Variants in PRKCE observed in about 807,000 individuals in gnomAD.
PRKCE encodes the protein protein kinase C epsilon, also known as protein kinase C epsilon type.
A neutral mutation model predicts 85.4 loss-of-function variants in PRKCE; 16 were observed. The observed-to-expected ratio is 0.19, with a 90% confidence interval of 0.13 to 0.28. PRKCE has a LOEUF of 0.28. Among genes scored for constraint, PRKCE ranks in the 10% least tolerant of loss-of-function variants. The probability of loss-of-function intolerance (pLI) is 1.00; values close to 1 mark genes in which losing one functional copy is unlikely to be tolerated. For synonymous variants in PRKCE, 388 were observed against 371.5 expected, an observed-to-expected ratio of 1.04 and a Z score of -0.51; for missense variants, 573 against 975.2, an observed-to-expected ratio of 0.59 and a Z score of 5.49.
chr2:45,864,909 G>C (rs1457205395), intron 2 of PRKCE, among the ~76,000 whole-genome samples: 1 of 152,220 alleles, frequency 6.6e-6, no homozygotes, highest in Non-Finnish European at 1.5e-5. Context: ...TGCAGGGCCA[G>C]TTACAGCTTG....
intron 2 of PRKCE, among the ~76,000 whole-genome samples, chr2:45,943,800 G>A (rs1435728568): frequency 2.6e-5 from 4 of 152,248 alleles, no homozygotes; most frequent in Non-Finnish European, 5.9e-5. Flanking sequence ...GAATGCACCA[G>A]ACAGCAGCAG....
chr2:45,927,362 A>C (rs1318303157), intron 2 of PRKCE, among the ~76,000 whole-genome samples: 1 of 152,212 alleles, frequency 6.6e-6, no homozygotes. Context: ...TGTGCTAAGC[A>C]CTTTTATGTA....
chr2:46,153,337 T>C (rs1337838251), intron 13 of PRKCE, among the ~76,000 whole-genome samples: 2 of 152,212 alleles, frequency 1.3e-5, no homozygotes, highest in Non-Finnish European at 2.9e-5. Context: ...TCTATAAATA[T>C]TTATTGGCAG....
chr2:45,720,927 T>C (rs372839705), intron 1 of PRKCE, among the ~76,000 whole-genome samples: 48 of 152,074 alleles, frequency 3.2e-4, no homozygotes, highest in African/African-American at 1.1e-3. Flanking sequence ...GCCAATATGG[T>C]GAAACCCTGT....
intron 2 of PRKCE, among the ~76,000 whole-genome samples, chr2:45,878,438 G>A: frequency 6.6e-6 from 1 of 152,140 alleles, no homozygotes; most frequent in East Asian, 1.9e-4. Flanking sequence ...TACTCAGGGG[G>A]GATGATCTTT....
chr2:46,072,955 C>T (rs1264850581), intron 10 of PRKCE, among the ~76,000 whole-genome samples: 1 of 152,190 alleles, frequency 6.6e-6, no homozygotes, highest in African/African-American at 2.4e-5. Flanking sequence ...TCTGCTGGTT[C>T]CCAAACCCCA....
intron 10 of PRKCE, among the ~76,000 whole-genome samples, chr2:46,052,034 A>G (rs1558396883): frequency 6.6e-6 from 1 of 152,150 alleles, no homozygotes; most frequent in Non-Finnish European, 1.5e-5. Context: ...GGGGATTACA[A>G]TTCAAGATGA....
At chr2:45,655,520 T>G (rs12621331) in intron 1 of PRKCE, among the ~76,000 whole-genome samples, 20,805 of 152,032 alleles carry the variant, frequency 0.14, 1,598 homozygotes, top group South Asian at 0.24. Context: ...CATTAGTGTG[T>G]TAAGAGTTTA....
At chr2:45,809,467 C>G (rs1480465209) in intron 1 of PRKCE, among the ~76,000 whole-genome samples, 1 of 152,162 alleles carries the variant, frequency 6.6e-6, no homozygotes, top group Non-Finnish European at 1.5e-5. Flanking sequence ...GATGAAATCA[C>G]TACATATTCT....
At chr2:45,963,403 G>T (rs967081958) in intron 2 of PRKCE, among the ~76,000 whole-genome samples, 8 of 152,096 alleles carry the variant, frequency 5.3e-5, no homozygotes, top group South Asian at 2.1e-4. Context: ...CTGCCTCCCT[G>T]GTTCAAGCAA....
chr2:45,682,893 C>T (rs976717661), intron 1 of PRKCE, among the ~76,000 whole-genome samples: 10 of 152,072 alleles, frequency 6.6e-5, no homozygotes, highest in African/African-American at 1.4e-4. Context: ...TTTTCTGCCA[C>T]GGTAAATTGA....
intron 1 of PRKCE, among the ~76,000 whole-genome samples, chr2:45,742,482 AAAG>A (rs1468661438): frequency 6.6e-6 from 1 of 152,128 alleles, no homozygotes; most frequent in Non-Finnish European, 1.5e-5. Context: ...ACATTTTTCC[AAAG>A]AAGACAGACA....
chr2:45,761,243 C>A (rs1040006038), intron 1 of PRKCE, among the ~76,000 whole-genome samples: 1 of 140,218 alleles, frequency 7.1e-6, no homozygotes, highest in Non-Finnish European at 1.5e-5. Context: ...AGGAGAATGG[C>A]GTGAACCCGG....
intron 14 of PRKCE, among the ~76,000 whole-genome samples, chr2:46,168,323 C>T (rs1678549316): frequency 6.6e-6 from 1 of 152,188 alleles, no homozygotes; most frequent in Non-Finnish European, 1.5e-5. Context: ...ACATACAACT[C>T]ACCTGGGAGC....
chr2:45,821,229 G>A (rs1689505217), intron 1 of PRKCE, among the ~76,000 whole-genome samples: 1 of 152,204 alleles, frequency 6.6e-6, no homozygotes, highest in South Asian at 2.1e-4. Context: ...TATTATTTAT[G>A]TCTAGAGTTA....
chr2:46,027,576 G>T (rs527925707), intron 10 of PRKCE, among the ~76,000 whole-genome samples: 2 of 152,276 alleles, frequency 1.3e-5, no homozygotes, highest in Non-Finnish European at 2.9e-5. Flanking sequence ...CAATAAGGCA[G>T]GGAAGGGGAA....
In PRKCE at chr2:45,745,447, C is replaced by T. The variant is rs974028859; in HGVS notation, c.348+92999C>T. On this transcript the variant is annotated intron_variant, in intron 1 of 14. Transcript: ENST00000306156. ...TCTCAACAACATTTCGTCCCCTCTG[C>T]CCCACCCACATCACTCGCTCTGCCC... 1.2e-4 allele frequency among the ~76,000 whole-genome samples: 19 copies of T among 152,256 alleles called. 1 individual carries two copies. Among genetic ancestry groups the T allele is most frequent in the African/African-American group, 3.9e-4 (16 of 41,542 alleles).
At chr2:45,966,788 G>A (rs1398653582) in intron 2 of PRKCE, among the ~76,000 whole-genome samples, 3 of 152,120 alleles carry the variant, frequency 2.0e-5, no homozygotes, top group Non-Finnish European at 4.4e-5. Context: ...TCTTACAGTG[G>A]CAAGTAGGTA....
intron 2 of PRKCE, among the ~76,000 whole-genome samples, chr2:45,861,983 A>C (rs1017368991): frequency 2.0e-5 from 3 of 152,218 alleles, no homozygotes; most frequent in Non-Finnish European, 4.4e-5. Flanking sequence ...AAACACAAAA[A>C]CATACGCCAG....
Sources: gnomAD v4.1 joint callset for allele counts (sites outside exome capture counted in the v4.1 genomes callset) on GRCh38, gnomAD v4.1.1 for gene constraint, MANE v1.5 for transcripts, NCBI Gene and HGNC (gene_info 2026-07-23, HGNC 2026-07-21) for gene names.